PDCD6IP: variants seen among roughly 807,000 people sequenced by gnomAD.
PDCD6IP encodes programmed cell death 6 interacting protein, also known as programmed cell death 6-interacting protein.
PDCD6IP carries 43 observed loss-of-function variants against 103.7 expected under a neutral mutation model. The ratio of observed to expected loss-of-function variants is 0.41; its 90% CI spans 0.32 to 0.53. The LOEUF (loss-of-function observed/expected upper bound fraction) is 0.53, where lower values mean the gene tolerates loss of function less well. PDCD6IP is among the 20% of genes least tolerant of loss of function. PDCD6IP has a pLI of 0.16. For synonymous variants in PDCD6IP, 354 were observed against 378.7 expected (o/e 0.93, Z 0.76); for missense variants, 871 against 1,036.7 (o/e 0.84, Z 2.20).
intron 3 of PDCD6IP, among the ~76,000 whole-genome samples, chr3:33,820,098 A>G (rs1473295284): frequency 6.6e-6 from 1 of 152,182 alleles, no homozygotes; most frequent in Non-Finnish European, 1.5e-5. Context: ...AGCCTAGGCA[A>G]CATAGTGAGT....
At chr3:33,835,897 G>A in intron 7 of PDCD6IP, 147 bp from the exon 8 acceptor site, 3 of 594,266 alleles carry the variant, frequency 5.0e-6, no homozygotes, top group Non-Finnish European at 8.9e-6. Context: ...GAATTTCCAG[G>A]TAACCCTGTC....
rs554927064 is a variant in PDCD6IP at position 33,864,080 on chromosome 3, C to T, written c.2195C>T (p.Ala732Val). 1.2e-6 allele frequency: 2 copies of T among 1,613,620 alleles called. No homozygotes were observed. Among genetic ancestry groups the T allele is most frequent in the Admixed American group, 1.7e-5 (1 of 60,012 alleles). ...ACACCTGCGTATCAGTCCTCACCAG[C>T]AGGAGGACATGCACCAACTCCTCCA... ...IPTPAYQSSP[A>V]GGHAPTPPTP... is the part of the protein sequence containing the mutation. Residue 732 changes from alanine (A) to valine (V), a missense_variant, in exon 16 of 18, where the codon GCA becomes GTA. By Grantham distance (64) the Ala-to-Val change is moderately conservative. Around this residue, in one of 5 missense-constraint regions of PDCD6IP, gnomAD observed 202 missense variants for 205.2 expected, o/e 0.98. Transcript: ENST00000307296.
intron 15 of PDCD6IP, among the ~76,000 whole-genome samples, chr3:33,861,015 A>G (rs768310711): frequency 0.043 from 6,492 of 151,530 alleles, 193 homozygotes; most frequent in South Asian, 0.075. Context: ...AAAAAAAAAC[A>G]GGTGAAATTA....
chr3:33,825,241 CGA>C lies in PDCD6IP; in HGVS notation c.521_522del (p.Glu174AlafsTer33). On this transcript the variant is annotated frameshift_variant, in exon 5 of 18. Coordinates refer to ENST00000307296, the MANE Select transcript of PDCD6IP (RefSeq NM_013374.6). LOFTEE classifies it high-confidence loss of function. ...AGAGACGGTTTTATCTGCCTTAAGT[CGA>C]GAGCCGACCGTGGACATATCTCCAG... ...IKETVLSALS[R>X]EPTVDISPDT... 1 of 1,613,452 alleles carries C rather than the reference CGA, an allele frequency of 6.2e-7. No homozygotes were observed. Among genetic ancestry groups the C allele is most frequent in the Non-Finnish European group, 8.5e-7 (1 of 1,179,754 alleles).
chr3:33,866,119 T>C (rs1698057725), intron 17 of PDCD6IP, among the ~76,000 whole-genome samples: 1 of 152,176 alleles, frequency 6.6e-6, no homozygotes, highest in Non-Finnish European at 1.5e-5. Flanking sequence ...TTTTCTTCAG[T>C]ATTTATTTTT....
intron 15 of PDCD6IP, among the ~76,000 whole-genome samples, chr3:33,856,556 C>T (rs1198627983): frequency 2.6e-5 from 4 of 152,130 alleles, no homozygotes; most frequent in African/African-American, 4.8e-5. Flanking sequence ...AGTTATTTAA[C>T]GTTCTGTAAA....
Position 33,813,599 on chromosome 3 carries a change from G to A in PDCD6IP, c.305G>A (p.Gly102Asp), listed in dbSNP as rs1393229903. The change falls in exon 3 of 18, where the codon GGT becomes GAT. Residue 102 changes from glycine to aspartate, a missense_variant. This residue lies in a region of PDCD6IP where 47 missense variants were observed against 83.7 expected (regional missense o/e 0.56). Transcript: ENST00000307296. ...TFTWKDAFDK[G>D]SLFGGSVKLA... ...ACCTGGAAGGATGCTTTCGATAAAGGTTCACTTTTTGGAGGCTCTGTAAAA... is the reference window on the plus strand; with the variant it reads ...ACCTGGAAGGATGCTTTCGATAAAGATTCACTTTTTGGAGGCTCTGTAAAA... The A allele has an allele frequency of 6.2e-7, 1 of 1,609,308 alleles. No homozygotes were observed. Among genetic ancestry groups the A allele is most frequent in the Non-Finnish European group, 8.5e-7 (1 of 1,176,180 alleles).
At chr3:33,838,443 G>T (rs1351458601) in intron 9 of PDCD6IP, 116 bp downstream of exon 9, 28 of 920,402 alleles carry the variant, frequency 3.0e-5, no homozygotes, top group Non-Finnish European at 4.0e-5. Context: ...AATAGAAAAT[G>T]TAGACACACA....
intron 13 of PDCD6IP, among the ~76,000 whole-genome samples, chr3:33,853,086 GCTAATTTTT>G (rs1260578250): frequency 6.6e-6 from 1 of 152,034 alleles, no homozygotes; most frequent in Non-Finnish European, 1.5e-5. Context: ...ACCACGCCTG[GCTAATTTTT>G]TGTATTTTTA....
chr3:33,830,745 A>C (rs1414102097), intron 7 of PDCD6IP, among the ~76,000 whole-genome samples: 1 of 152,164 alleles, frequency 6.6e-6, no homozygotes, highest in Non-Finnish European at 1.5e-5. Flanking sequence ...TCACTGATCC[A>C]TATTTCAGAG....
chr3:33,855,902 C>T (rs1456383345), intron 15 of PDCD6IP, among the ~76,000 whole-genome samples: 3 of 152,160 alleles, frequency 2.0e-5, no homozygotes, highest in Non-Finnish European at 2.9e-5. Flanking sequence ...ATTCTAAGGC[C>T]GGGGTCCCCA....
chr3:33,840,849 CTA>C (rs775673326), intron 9 of PDCD6IP, among the ~76,000 whole-genome samples: 17 of 152,086 alleles, frequency 1.1e-4, no homozygotes, highest in Non-Finnish European at 2.2e-4. Context: ...AAAAAAATAA[CTA>C]TTTTGTGTAT....
intron 3 of PDCD6IP, among the ~76,000 whole-genome samples, chr3:33,817,716 G>T (rs554693233): frequency 6.6e-6 from 1 of 151,868 alleles, no homozygotes; most frequent in Admixed American, 6.6e-5. Context: ...TCACGCCACT[G>T]TACTTCAGCC....
chr3:33,806,774 G>A (rs1001695278), intron 1 of PDCD6IP, among the ~76,000 whole-genome samples: 6 of 152,186 alleles, frequency 3.9e-5, no homozygotes, highest in African/African-American at 1.4e-4. Context: ...TTGTGATCTG[G>A]GCTGAACTAT....
At chr3:33,804,808 A>G (rs2125541548) in intron 1 of PDCD6IP, among the ~76,000 whole-genome samples, 1 of 152,324 alleles carries the variant, frequency 6.6e-6, no homozygotes, top group African/African-American at 2.4e-5. Context: ...TGCTTGATTA[A>G]TGATTTTTCA....
intron 10 of PDCD6IP, among the ~76,000 whole-genome samples, chr3:33,843,710 A>G (rs1438582796): frequency 6.6e-6 from 1 of 152,158 alleles, no homozygotes; most frequent in East Asian, 1.9e-4. Context: ...AAAATATATT[A>G]AACATAATTT....
chr3:33,854,205 T>A (rs1461252162), intron 14 of PDCD6IP, among the ~76,000 whole-genome samples, 192 bp downstream of exon 14: 5 of 152,218 alleles, frequency 3.3e-5, no homozygotes, highest in Admixed American at 3.3e-4. Context: ...TCATGGGAAC[T>A]TTGAAGAATG....
chr3:33,822,580 A>G (rs567980673), intron 4 of PDCD6IP, among the ~76,000 whole-genome samples: 1 of 152,340 alleles, frequency 6.6e-6, no homozygotes, highest in African/African-American at 2.4e-5. Flanking sequence ...CATAATGTTC[A>G]TAAGTTGCCT....
intron 7 of PDCD6IP, 81 bp downstream of exon 7, chr3:33,829,050 A>G: frequency 3.3e-6 from 4 of 1,215,500 alleles, no homozygotes; most frequent in Admixed American, 2.5e-5. Context: ...AAGTTTGCCC[A>G]TAAAAACCTT....
Sources: gnomAD v4.1 joint callset for allele counts (sites outside exome capture counted in the v4.1 genomes callset) on GRCh38, gnomAD v4.1.1 for gene constraint, gnomAD v4.1.1 regional missense constraint, MANE v1.5 for transcripts, NCBI Gene and HGNC (gene_info 2026-07-23, HGNC 2026-07-21) for gene names.